ZNF584: variants seen among roughly 807,000 people sequenced by gnomAD.
The protein encoded by ZNF584 is zinc finger protein 584.
In ZNF584, 12 loss-of-function variants were observed where a neutral mutation model predicts 14.7. The ratio of observed to expected loss-of-function variants is 0.82; its 90% confidence interval spans 0.52 to 1.32. The LOEUF is 1.32. ZNF584 is among the 40% of genes most tolerant of loss of function. ZNF584 has a pLI of 0.00. For synonymous variants in ZNF584, 204 were observed against 190.9 expected, an observed-to-expected ratio of 1.07 and a Z score of -0.57; for missense variants, 478 against 518.8, an observed-to-expected ratio of 0.92 and a Z score of 0.76.
chr19:58,415,803 C>T (rs1041003399), intron 3 of ZNF584, 157 bp downstream of exon 3: 3 of 1,607,104 alleles, frequency 1.9e-6, no homozygotes, highest in Non-Finnish European at 2.5e-6. Flanking sequence ...TCTGCCATCT[C>T]TACCATGATT....
In ZNF584 at chr19:58,409,958, A is replaced by AT; in HGVS notation, c.38dup (p.Leu13PhefsTer8). 2 of 1,614,026 alleles carry AT rather than the reference A, an allele frequency of 1.2e-6. No individual in the cohort carries two copies. The highest frequency in any genetic ancestry group is 1.7e-6 in the Non-Finnish European group (2 of 1,180,016). On this transcript the variant is annotated frameshift_variant, in exon 2 of 4. Transcript: ENST00000306910. LOFTEE classifies it high-confidence loss of function. ...ACCCCAAGGCTCAGTTGGACCCATCATTGCAGGGCTTGGTGATGTTTGAGG... is the reference window on the plus strand; with the variant it reads ...ACCCCAAGGCTCAGTTGGACCCATCATTTGCAGGGCTTGGTGATGTTTGAGG...
chr19:58,417,429 G>A lies in ZNF584; in HGVS notation c.911G>A (p.Gly304Glu). ...GERPYECTEC[G>E]KFFKYNNSFI... is the part of the protein sequence containing the mutation. ...AGGCCCTATGAGTGTACAGAATGTG[G>A]GAAGTTCTTTAAATACAATAATAGC... Residue 304 changes from glycine (G) to glutamate (E), a missense_variant, in exon 4 of 4, where the codon GGG becomes GAG. By Grantham distance (98) the Gly-to-Glu change is moderately conservative. Transcript: ENST00000306910. The A allele has an allele frequency of 6.2e-7, 1 of 1,603,524 alleles. No individual in the cohort carries two copies.
intron 2 of ZNF584, among the ~76,000 whole-genome samples, chr19:58,411,448 C>G (rs544269665): frequency 2.6e-5 from 4 of 151,302 alleles, no homozygotes; most frequent in Admixed American, 1.3e-4. Context: ...ATCGCTTGAA[C>G]CTGGGAGGTG....
At chr19:58,410,535 A>ATG (rs1286373561) in intron 2 of ZNF584, among the ~76,000 whole-genome samples, 1 of 23,034 alleles carries the variant, frequency 4.3e-5, no homozygotes, top group Admixed American at 4.9e-4. Flanking sequence ...ATATATATAT[A>ATG]TATATATATA....
At chr19:58,410,529 A>ATGTG (rs2052532690) in intron 2 of ZNF584, among the ~76,000 whole-genome samples, 1 of 18,584 alleles carries the variant, frequency 5.4e-5, no homozygotes, top group Non-Finnish European at 1.0e-4. Flanking sequence ...ATATATATAT[A>ATGTG]TATATATATA....
At chr19:58,414,821 T>G (rs556327862) in intron 2 of ZNF584, among the ~76,000 whole-genome samples, 10 of 152,274 alleles carry the variant, frequency 6.6e-5, no homozygotes, top group Non-Finnish European at 1.5e-4. Flanking sequence ...CAATCGTTAT[T>G]ATTGCTGAAC....
Position 58,410,087 on chromosome 19 carries a change from A to C in ZNF584, c.165A>C (p.Ser55=). The change falls in exon 2 of 4, where the codon TCA becomes TCC. Residue 55 remains serine, a synonymous_variant. Coordinates refer to ENST00000306910, the MANE Select transcript of ZNF584 (RefSeq NM_173548.3). ...VMLENFALVS[S]LGLAPSRSPV... Reference sequence around the variant, plus strand: ...TGGAGAACTTTGCACTCGTTAGCTCACTGGGTAAGTCTCTTACACTGTCCC... The same window carrying C: ...TGGAGAACTTTGCACTCGTTAGCTCCCTGGGTAAGTCTCTTACACTGTCCC... 6.2e-7 allele frequency: 1 copy of C among 1,608,992 alleles called. No homozygotes were observed. The highest frequency in any genetic ancestry group is 8.5e-7 in the Non-Finnish European group (1 of 1,177,542).
upstream of ZNF584, chr19:58,405,758 C>T (rs11670322): frequency 0.2 from 35,642 of 174,670 alleles, 3,964 homozygotes; most frequent in Non-Finnish European, 0.26. Context: ...GGCGGCCGGG[C>T]AGAGACGCTC....
chr19:58,410,031 A>G lies in ZNF584; in HGVS notation c.109A>G (p.Thr37Ala). ...SREEWGLLNV[T>A]QKGLYRDVML... Reference sequence around the variant, plus strand: ...GGAGGAGTGGGGGCTCCTTAATGTGACCCAGAAGGGCCTATACCGGGATGT... The same window carrying G: ...GGAGGAGTGGGGGCTCCTTAATGTGGCCCAGAAGGGCCTATACCGGGATGT... The change falls in exon 2 of 4, where the codon ACC becomes GCC. Residue 37 changes from threonine to alanine, a missense_variant. Physicochemically the swap from Thr to Ala is moderately conservative, Grantham distance 58. Coordinates refer to ENST00000306910, the MANE Select transcript of ZNF584 (RefSeq NM_173548.3). 1.9e-6 allele frequency: 3 copies of G among 1,613,924 alleles called. No individual in the cohort carries two copies. The highest frequency in any genetic ancestry group is 2.5e-6 in the Non-Finnish European group (3 of 1,179,962).
At chr19:58,416,381 C>T (rs956260630) in intron 3 of ZNF584, 7 of 160,938 alleles carry the variant, frequency 4.3e-5, no homozygotes, top group Non-Finnish European at 5.3e-5. Flanking sequence ...GGACTACAGG[C>T]GCCTGCCACC....
rs371662502 is a variant in ZNF584 at position 58,413,875 on chromosome 19, G to T, written c.170-1649G>T. On this transcript the variant is annotated intron_variant, in intron 2 of 3. Coordinates refer to ENST00000306910, the MANE Select transcript of ZNF584 (RefSeq NM_173548.3). ...GCTCTGTCACCCAGGCTGGAGTGCA[G>T]TGGCACTATCTCGGCTCACTGCAAG... Among the ~76,000 whole-genome samples the T allele has an allele frequency of 2.7e-4, 41 of 151,558 alleles. No homozygotes were observed. The East Asian group carries it at 5.1e-3, about 19-fold the overall frequency.
At chr19:58,403,839 C>T (rs1487896294), upstream of ZNF584, among the ~76,000 whole-genome samples, 3 of 151,466 alleles carry the variant, frequency 2.0e-5, no homozygotes, top group South Asian at 4.2e-4. Flanking sequence ...TGTGGTGGCA[C>T]GCGCTTGTCG....
Position 58,415,644 on chromosome 19 carries a change from T to C in ZNF584, c.290T>C (p.Leu97Pro). The C allele has an allele frequency of 6.2e-7, 1 of 1,613,750 alleles. No homozygotes were observed. The highest frequency in any genetic ancestry group is 1.7e-4 in the Middle Eastern group (1 of 6,058). The change falls in exon 3 of 4, where the codon CTT (leucine) becomes CCT (proline). Residue 97 changes from leucine (L) to proline (P), a missense_variant and splice_region_variant. Physicochemically the swap from Leu to Pro is moderately conservative, Grantham distance 98 (BLOSUM62 -3). Transcript: ENST00000306910. ...GCAGAAGCCAGGAGAGGTTTTGGTC[T>C]TGGTAAGTGGAGTGGAGGGGAATAC... is the stretch of plus-strand genomic sequence containing the variant. ...SRAEARRGFG[L>P]DGLCRVEDER... is the part of the protein sequence containing the mutation.
At chr19:58,402,748 C>T (rs374415143) in intron 1 of ZNF584, among the ~76,000 whole-genome samples, 117 of 137,408 alleles carry the variant, frequency 8.5e-4, no homozygotes, top group Non-Finnish European at 9.9e-4. Flanking sequence ...CGCTTGAACT[C>T]GGGAGGCGGA....
At chr19:58,402,820 G>A (rs1305793596) in intron 1 of ZNF584, among the ~76,000 whole-genome samples, 21 of 83,130 alleles carry the variant, frequency 2.5e-4, no homozygotes, top group South Asian at 4.8e-4. Flanking sequence ...GCGAAACTGC[G>A]TCTCAAAAAA....
chr19:58,417,746 CAGG>C lies in ZNF584; in HGVS notation c.1233_1235del (p.Glu411del). On this transcript the variant is annotated inframe_deletion, in exon 4 of 4. Transcript: ENST00000306910. ...GAAAGTCCATACTCCAGAAAGGCGT[CAGG>C]AGGACAGGGCACATGGGAAGGTCGT... is the stretch of plus-strand genomic sequence containing the variant. 1 of 1,613,150 alleles carries C rather than the reference CAGG, an allele frequency of 6.2e-7. No homozygotes were observed. The highest frequency in any genetic ancestry group is 8.5e-7 in the Non-Finnish European group (1 of 1,179,402).
In ZNF584 at chr19:58,410,548, T is replaced by TTTTTTTTTTTTTTTTTTTTGAGAC. The variant is rs1568584390; in HGVS notation, c.169+457_169+458insTTTTTTTTTTTTTTTTTTTGAGAC. 3.1e-5 allele frequency among the ~76,000 whole-genome samples: 2 copies of TTTTTTTTTTTTTTTTTTTTGAGAC among 63,546 alleles called. 1 individual carries two copies. The highest frequency in any genetic ancestry group is 5.3e-5 in the Non-Finnish European group (2 of 37,670). 41.7% of individuals were successfully genotyped at this position (63,546 alleles called of 152,430 possible). ...ATATATATATATATATATATATATATATATATATATGTGTATATATATATG... is the reference window on the plus strand; with the variant it reads ...ATATATATATATATATATATATATATTTTTTTTTTTTTTTTTTTTGAGACATATATATATGTGTATATATATATG... On this transcript the variant is annotated intron_variant, in intron 2 of 3. Coordinates refer to ENST00000306910, the MANE Select transcript of ZNF584 (RefSeq NM_173548.3).
rs1555785533 is a variant in ZNF584, at chr19:58,410,543, A to ATATG, written c.169+455_169+456insGTAT. Among the ~76,000 whole-genome samples the ATATG allele has an allele frequency of 3.5e-4, 8 of 23,146 alleles. 3 individuals are homozygous for ATATG. The East Asian group carries it at 4.0e-3, about 12-fold the overall frequency. The allele number at this position is 23,146 out of a possible 152,430, so 15.2% of individuals were successfully genotyped here. Reference sequence around the variant, plus strand: ...AATATATATATATATATATATATATATATATATATATATATGTGTATATAT... The same window carrying ATATG: ...AATATATATATATATATATATATATATATGTATATATATATATATGTGTATATAT... On this transcript the variant is annotated intron_variant, in intron 2 of 3. Coordinates refer to ENST00000306910, the MANE Select transcript of ZNF584 (RefSeq NM_173548.3).
intron 3 of ZNF584, 47 bp downstream of exon 3, chr19:58,415,693 A>C (rs896130811): frequency 6.2e-7 from 1 of 1,607,870 alleles, no homozygotes; most frequent in African/African-American, 1.3e-5. Flanking sequence ...GTGGGCTCAC[A>C]GAATGCTGAG....
Sources: allele counts gnomAD v4.1 joint callset (sites outside exome capture counted in the v4.1 genomes callset), GRCh38; gene constraint gnomAD v4.1.1; transcripts MANE v1.5; gene names NCBI Gene and HGNC (gene_info 2026-07-23, HGNC 2026-07-21).